The following SASH1 variants were observed in gnomAD, a reference collection of about 807,000 sequenced individuals.
SASH1 encodes SAM and SH3 domain containing 1.
In SASH1, 44 loss-of-function variants were observed where a neutral mutation model predicts 125.2. The observed-to-expected ratio is 0.35, with a 90% confidence interval of 0.28 to 0.45. SASH1 has a LOEUF of 0.45. Among genes scored for constraint, SASH1 ranks in the 20% least tolerant of loss-of-function variants. The pLI, the probability that SASH1 is intolerant of heterozygous loss-of-function variation, is 1.00. For missense variants in SASH1, 1,426 were observed against 1,614.5 expected (o/e 0.88, Z 2.00); for synonymous variants, 639 against 649.1 (o/e 0.98, Z 0.24).
At chr6:148,340,090 G>A (rs779321126), upstream of SASH1, among the ~76,000 whole-genome samples, 32 of 152,246 alleles carry the variant, frequency 2.1e-4, no homozygotes, top group South Asian at 4.2e-4. Context: ...CCAACTGCCC[G>A]GCTTGCCTGG....
chr6:148,508,419 C>T (rs186251226), intron 8 of SASH1: 14 of 965,810 alleles, frequency 1.4e-5, no homozygotes, highest in Admixed American at 1.1e-4. Context: ...CAGATTCTCG[C>T]GTTCTTTTTT....
At chr6:148,354,198 A>G (rs1781841073) in intron 1 of SASH1, among the ~76,000 whole-genome samples, 1 of 152,148 alleles carries the variant, frequency 6.6e-6, no homozygotes, top group Non-Finnish European at 1.5e-5. Flanking sequence ...AAAGAAAGAA[A>G]AAAAGAGAGA....
At chr6:148,458,300 T>C (rs1391481398) in intron 4 of SASH1, among the ~76,000 whole-genome samples, 2 of 152,212 alleles carry the variant, frequency 1.3e-5, no homozygotes. Flanking sequence ...CTTAGAAACA[T>C]CTCACGATAA....
At chr6:148,240,223 C>T in the SASH1 span, among the ~76,000 whole-genome samples, 1 of 151,318 alleles carries the variant, frequency 6.6e-6, no homozygotes, top group African/African-American at 2.4e-5. Flanking sequence ...CTCAAATGCT[C>T]AAAGCCTAGG....
intron 10 of SASH1, among the ~76,000 whole-genome samples, chr6:148,524,121 A>ATATATATATATATATATT (rs1193506716): frequency 7.8e-6 from 1 of 128,610 alleles, no homozygotes; most frequent in Non-Finnish European, 1.6e-5. Flanking sequence ...ATATATATAT[A>ATATATATATATATATATT]TTTTTTTTAA....
intron 1 of SASH1, among the ~76,000 whole-genome samples, chr6:148,356,494 CTTTTTTTTTTTTT>C (rs57183555): frequency 3.4e-5 from 4 of 116,268 alleles, no homozygotes; most frequent in African/African-American, 1.0e-4. Flanking sequence ...ACTTTTAGTT[CTTTTTTTTTTTTT>C]TTTTTTTGAG....
At chr6:148,504,483 TCTA>T (rs1349683524) in intron 8 of SASH1, among the ~76,000 whole-genome samples, 1 of 152,046 alleles carries the variant, frequency 6.6e-6, no homozygotes, top group Non-Finnish European at 1.5e-5. Flanking sequence ...AATTTGCACA[TCTA>T]CTGTGTTCAA....
intron 5 of SASH1, among the ~76,000 whole-genome samples, chr6:148,470,433 GACA>G (rs527892750): frequency 1.3e-3 from 196 of 152,352 alleles, no homozygotes; most frequent in African/African-American, 4.4e-3. Flanking sequence ...CAACCAGACA[GACA>G]ACAAGTGGTG....
intron 1 of SASH1, among the ~76,000 whole-genome samples, chr6:148,275,127 A>T (rs914563415): frequency 6.6e-6 from 1 of 152,240 alleles, no homozygotes; most frequent in African/African-American, 2.4e-5. Context: ...ATGCAAATTT[A>T]TCCTAAAATA....
intron 1 of SASH1, among the ~76,000 whole-genome samples, chr6:148,364,223 C>T (rs996803540): frequency 6.6e-6 from 1 of 152,088 alleles, no homozygotes; most frequent in Non-Finnish European, 1.5e-5. Context: ...CAGCAGACAT[C>T]CTATTAAGAA....
intron 2 of SASH1, among the ~76,000 whole-genome samples, chr6:148,390,781 C>A (rs1330948107): frequency 2.0e-5 from 3 of 150,536 alleles, no homozygotes; most frequent in African/African-American, 7.4e-5. Context: ...GAGCAAGACT[C>A]CGTCTCAAAA....
the SASH1 span, among the ~76,000 whole-genome samples, chr6:148,263,890 G>A: frequency 4.8e-4 from 73 of 152,150 alleles, no homozygotes; most frequent in Non-Finnish European, 7.8e-4. Flanking sequence ...GAGCTGGTCC[G>A]GAGGAAATCT....
At chr6:148,203,788 C>T in the SASH1 span, among the ~76,000 whole-genome samples, 5 of 152,182 alleles carry the variant, frequency 3.3e-5, no homozygotes, top group Non-Finnish European at 7.3e-5. Context: ...GGTTACTCAC[C>T]AGAAACCTAC....
In SASH1 at chr6:148,549,414, C is replaced by T. The variant is rs74520934; in HGVS notation, c.*856C>T. On this transcript the variant is annotated 3_prime_UTR_variant, in exon 20 of 20. Transcript: ENST00000367467. ...TTCACAAATATCATGTGTGTGCGTG[C>T]GTGCGTGCGCGTGTGTGTCTGTATT... 1,268 of 389,506 alleles carry T rather than the reference C, an allele frequency of 3.3e-3. 8 individuals carry two copies. Among genetic ancestry groups the T allele is most frequent in the African/African-American group, 0.018 (853 of 48,510 alleles). 24.1% of individuals were successfully genotyped at this position (389,506 alleles called of 1,614,324 possible).
At chr6:148,244,500 A>T in the SASH1 span, among the ~76,000 whole-genome samples, 1 of 152,158 alleles carries the variant, frequency 6.6e-6, no homozygotes, top group Non-Finnish European at 1.5e-5. Flanking sequence ...TGATGATACA[A>T]ATGTCACAGA....
chr6:148,368,630 C>T (rs139563211), intron 1 of SASH1, among the ~76,000 whole-genome samples: 1 of 152,148 alleles, frequency 6.6e-6, no homozygotes, highest in African/African-American at 2.4e-5. Context: ...CTTTGATGTC[C>T]TCATTGGTGT....
intron 1 of SASH1, among the ~76,000 whole-genome samples, chr6:148,330,147 A>G (rs764067355): frequency 2.0e-5 from 3 of 152,244 alleles, no homozygotes; most frequent in Non-Finnish European, 4.4e-5. Context: ...TGTTATATTC[A>G]GCTCACTGCC....
chr6:148,199,147 C>T, the SASH1 span, among the ~76,000 whole-genome samples: 2 of 152,142 alleles, frequency 1.3e-5, no homozygotes, highest in Admixed American at 1.3e-4. Flanking sequence ...TTTGAGAGGC[C>T]AAGGCAGGCG....
intron 8 of SASH1, 92 bp downstream of exon 8, chr6:148,487,807 C>T (rs1319495536): frequency 5.9e-6 from 5 of 846,660 alleles, no homozygotes; most frequent in Non-Finnish European, 9.4e-6. Flanking sequence ...TTCGAAACTT[C>T]CGACTCGCAC....
Sources: allele counts gnomAD v4.1 joint callset (sites outside exome capture counted in the v4.1 genomes callset), GRCh38; gene constraint gnomAD v4.1.1; transcripts MANE v1.5; gene names NCBI Gene and HGNC (gene_info 2026-07-23, HGNC 2026-07-21).